The following GRIN2B variants were observed in gnomAD, a reference collection of about 807,000 sequenced individuals.
GRIN2B encodes glutamate ionotropic receptor NMDA type subunit 2B, also known as glutamate receptor ionotropic, NMDA 2B.
Under a neutral mutation model 114.5 loss-of-function variants are expected in GRIN2B, and 5 were observed. The observed-to-expected ratio is 0.04, with a 90% CI of 0.02 to 0.09. The LOEUF (loss-of-function observed/expected upper bound fraction) is 0.09. Ranked by LOEUF, GRIN2B falls within the 10% of genes least tolerant of loss-of-function variation. The pLI is 1.00. For missense variants in GRIN2B, 1,108 were observed against 1,943.5 expected, an observed-to-expected ratio of 0.57 and a Z score of 8.08; for synonymous variants, 787 against 745.1, an observed-to-expected ratio of 1.06 and a Z score of -0.92.
At chr12:13,886,173 C>T (rs1053340635) in intron 2 of GRIN2B, among the ~76,000 whole-genome samples, 1 of 152,052 alleles carries the variant, frequency 6.6e-6, no homozygotes, top group Non-Finnish European at 1.5e-5. Context: ...CAGTTCACAC[C>T]GTGTTGTAAA....
chr12:13,619,922 T>C (rs560182473), intron 5 of GRIN2B, among the ~76,000 whole-genome samples: 1 of 152,322 alleles, frequency 6.6e-6, no homozygotes, highest in Middle Eastern at 3.4e-3. Context: ...ACATGTTCCT[T>C]TTCCTCCAAG....
intron 5 of GRIN2B, 141 bp from the exon 6 acceptor site, chr12:13,616,798 A>G (rs1431636945): frequency 1.4e-6 from 1 of 719,854 alleles, no homozygotes; most frequent in Non-Finnish European, 2.5e-6. Context: ...AGAGATAGGA[A>G]TACTTTTTAA....
intron 3 of GRIN2B, among the ~76,000 whole-genome samples, chr12:13,784,700 A>G (rs999957119): frequency 1.3e-5 from 2 of 152,202 alleles, no homozygotes; most frequent in Non-Finnish European, 2.9e-5. Flanking sequence ...GAAGCCTGCC[A>G]TGATAGGAGA....
chr12:13,601,297 T>G (rs568448910), intron 10 of GRIN2B, among the ~76,000 whole-genome samples: 2 of 152,308 alleles, frequency 1.3e-5, no homozygotes, highest in East Asian at 1.9e-4. Flanking sequence ...ATATCTTGCC[T>G]CTTTCGGCTT....
chr12:13,752,709 G>C (rs886836771), intron 4 of GRIN2B, among the ~76,000 whole-genome samples: 1 of 152,148 alleles, frequency 6.6e-6, no homozygotes, highest in Non-Finnish European at 1.5e-5. Flanking sequence ...CTCTATAGCA[G>C]CATCCTCACC....
At chr12:13,669,243 T>C (rs1241332495) in intron 5 of GRIN2B, among the ~76,000 whole-genome samples, 1 of 152,010 alleles carries the variant, frequency 6.6e-6, no homozygotes. Flanking sequence ...CCACTCACTC[T>C]GGTTGTGTCT....
chr12:13,908,423 T>C (rs1031611016), intron 2 of GRIN2B, among the ~76,000 whole-genome samples: 1 of 152,140 alleles, frequency 6.6e-6, no homozygotes, highest in Non-Finnish European at 1.5e-5. Flanking sequence ...TAACAATTCA[T>C]GAGTTAAATA....
At chr12:13,709,431 C>G (rs1029983612) in intron 4 of GRIN2B, among the ~76,000 whole-genome samples, 1 of 151,960 alleles carries the variant, frequency 6.6e-6, no homozygotes, top group Non-Finnish European at 1.5e-5. Flanking sequence ...CATGAACATG[C>G]TTTCAACAAG....
intron 3 of GRIN2B, among the ~76,000 whole-genome samples, chr12:13,784,261 C>T (rs1197893989): frequency 1.5e-5 from 2 of 133,442 alleles, no homozygotes; most frequent in Non-Finnish European, 3.2e-5. Context: ...AAAAAAAAAT[C>T]CCTTTGCTGT....
chr12:13,687,758 G>C (rs1371097049), intron 4 of GRIN2B, among the ~76,000 whole-genome samples: 2 of 152,148 alleles, frequency 1.3e-5, no homozygotes, highest in South Asian at 2.1e-4. Flanking sequence ...CTGCTCTTAG[G>C]CACTGGATTC....
intron 5 of GRIN2B, among the ~76,000 whole-genome samples, chr12:13,640,028 T>C (rs1254647817): frequency 6.6e-6 from 1 of 152,104 alleles, no homozygotes; most frequent in Non-Finnish European, 1.5e-5. Flanking sequence ...TATGGTATCA[T>C]TGGAAAAATA....
At chr12:13,905,154 T>A (rs1176510394) in intron 2 of GRIN2B, among the ~76,000 whole-genome samples, 1 of 152,286 alleles carries the variant, frequency 6.6e-6, no homozygotes, top group East Asian at 1.9e-4. Flanking sequence ...TCATGGAAAA[T>A]TCTACAGCAT....
At chr12:13,803,904 T>C (rs879044253) in intron 3 of GRIN2B, among the ~76,000 whole-genome samples, 1 of 152,218 alleles carries the variant, frequency 6.6e-6, no homozygotes, top group Non-Finnish European at 1.5e-5. Flanking sequence ...CCTGCAGTTC[T>C]GTTTGTCCCA....
chr12:13,881,269 C>T (rs1866069530), intron 2 of GRIN2B, among the ~76,000 whole-genome samples: 2 of 152,164 alleles, frequency 1.3e-5, no homozygotes, highest in Admixed American at 6.5e-5. Context: ...TTTCTTCCCC[C>T]ATTGCACCAT....
At chr12:13,809,058 T>C (rs1315892735) in intron 3 of GRIN2B, among the ~76,000 whole-genome samples, 1 of 152,040 alleles carries the variant, frequency 6.6e-6, no homozygotes, top group African/African-American at 2.4e-5. Context: ...GCAAGACAAT[T>C]CTTTGATGTA....
chr12:13,917,595 C>T (rs1565586049), intron 2 of GRIN2B, among the ~76,000 whole-genome samples: 1 of 152,168 alleles, frequency 6.6e-6, no homozygotes, highest in African/African-American at 2.4e-5. Flanking sequence ...GGAAAATTTC[C>T]TGGCATGCCA....
intron 2 of GRIN2B, among the ~76,000 whole-genome samples, chr12:13,966,512 A>C (rs1441827408): frequency 6.6e-6 from 1 of 152,226 alleles, no homozygotes; most frequent in African/African-American, 2.4e-5. Flanking sequence ...CTAAAAATTC[A>C]TGTTCTCTAA....
At chr12:13,584,328 T>C (rs139333195) in intron 10 of GRIN2B, among the ~76,000 whole-genome samples, 2 of 152,338 alleles carry the variant, frequency 1.3e-5, no homozygotes, top group Non-Finnish European at 2.9e-5. Flanking sequence ...TAGAATGTAA[T>C]ATAATGGACA....
At chr12:13,877,139 C>T (rs1443403487) in intron 2 of GRIN2B, among the ~76,000 whole-genome samples, 3 of 152,168 alleles carry the variant, frequency 2.0e-5, no homozygotes, top group Non-Finnish European at 2.9e-5. Context: ...ATGAGAGTTG[C>T]ATGTGTGTGA....
Sources: gnomAD v4.1 joint callset for allele counts (sites outside exome capture counted in the v4.1 genomes callset) on GRCh38, gnomAD v4.1.1 for gene constraint, MANE v1.5 for transcripts, NCBI Gene and HGNC (gene_info 2026-07-23, HGNC 2026-07-21) for gene names.